YEATS4: variants seen among roughly 807,000 people sequenced by gnomAD.
YEATS4 encodes the protein YEATS domain containing 4.
In YEATS4, 17 loss-of-function variants were observed where a neutral mutation model predicts 30.1. That is an observed-to-expected ratio of 0.56 (90% CI 0.39 to 0.85). YEATS4 has a LOEUF of 0.85. Ranked by LOEUF, YEATS4 falls within the 40% of genes least tolerant of loss-of-function variation. YEATS4 has a pLI of 0.00. For missense variants in YEATS4, 142 were observed against 268.3 expected, an observed-to-expected ratio of 0.53 and a Z score of 3.29; for synonymous variants, 85 against 87.5, an observed-to-expected ratio of 0.97 and a Z score of 0.16.
the YEATS4 span, among the ~76,000 whole-genome samples, chr12:69,410,683 C>T: frequency 6.6e-6 from 1 of 152,116 alleles, no homozygotes; most frequent in Non-Finnish European, 1.5e-5. Flanking sequence ...ATAGAGACGG[C>T]CCAAGAAGAA....
chr12:69,417,015 G>A, the YEATS4 span, among the ~76,000 whole-genome samples: 3 of 151,742 alleles, frequency 2.0e-5, no homozygotes, highest in Non-Finnish European at 2.9e-5. Context: ...GGAGGTTGCA[G>A]TGAGCCAAGA....
chr12:69,382,669 C>T (rs939770791), intron 6 of YEATS4, among the ~76,000 whole-genome samples: 6 of 152,182 alleles, frequency 3.9e-5, no homozygotes, highest in African/African-American at 1.4e-4. Flanking sequence ...GAGTTGGTAC[C>T]AAAGCTTAAG....
At chr12:69,389,248 G>A (rs1027742546) in intron 6 of YEATS4, among the ~76,000 whole-genome samples, 1 of 151,878 alleles carries the variant, frequency 6.6e-6, no homozygotes, top group South Asian at 2.1e-4. Context: ...TCAGGAGTTC[G>A]CAGTCAGCCT....
chr12:69,397,850 C>A, the YEATS4 span, among the ~76,000 whole-genome samples: 2 of 152,170 alleles, frequency 1.3e-5, no homozygotes, highest in Non-Finnish European at 2.9e-5. Flanking sequence ...ACAACTTGAT[C>A]TCAGACTTAT....
chr12:69,399,691 A>G, the YEATS4 span, among the ~76,000 whole-genome samples: 1 of 152,250 alleles, frequency 6.6e-6, no homozygotes, highest in Admixed American at 6.5e-5. Flanking sequence ...GTGCATGAAT[A>G]TTTATAGGAG....
the YEATS4 span, among the ~76,000 whole-genome samples, chr12:69,425,633 A>T: frequency 6.6e-6 from 1 of 152,160 alleles, no homozygotes; most frequent in African/African-American, 2.4e-5. Context: ...GTGCCTCAGG[A>T]TGTGGCTTCC....
chr12:69,408,896 C>G, the YEATS4 span, among the ~76,000 whole-genome samples: 7 of 152,208 alleles, frequency 4.6e-5, no homozygotes, highest in Non-Finnish European at 8.8e-5. Context: ...CACAGTTACA[C>G]ATCATTAGAA....
the YEATS4 span, among the ~76,000 whole-genome samples, chr12:69,396,407 A>G: frequency 2.8e-4 from 43 of 152,238 alleles, no homozygotes; most frequent in Non-Finnish European, 5.1e-4. Flanking sequence ...CTGAACAGTC[A>G]TGGTACAGCT....
the YEATS4 span, among the ~76,000 whole-genome samples, chr12:69,407,694 CTTTTTGTCTT>C: frequency 8.9e-6 from 1 of 112,202 alleles, no homozygotes; most frequent in Non-Finnish European, 1.8e-5. Context: ...AGTACAAATA[CTTTTTGTCTT>C]TTTTTTTTTT....
chr12:69,426,777 AAATC>A, the YEATS4 span, among the ~76,000 whole-genome samples: 69 of 152,234 alleles, frequency 4.5e-4, 3 homozygotes, highest in Non-Finnish European at 8.8e-5. Context: ...ATTTTGTGAA[AAATC>A]AATCTGTTCA....
At chr12:69,418,859 G>T in the YEATS4 span, among the ~76,000 whole-genome samples, 3 of 151,860 alleles carry the variant, frequency 2.0e-5, no homozygotes, top group Non-Finnish European at 4.4e-5. Context: ...TAAGGCAGGA[G>T]GATCGCTGGA....
At chr12:69,375,891 G>A (rs567174808) in intron 6 of YEATS4, among the ~76,000 whole-genome samples, 7 of 152,144 alleles carry the variant, frequency 4.6e-5, no homozygotes, top group South Asian at 2.1e-4. Context: ...GGGAGACCGC[G>A]CAGAGAGGGA....
the YEATS4 span, among the ~76,000 whole-genome samples, chr12:69,409,491 C>T: frequency 5.9e-5 from 9 of 152,080 alleles, no homozygotes; most frequent in African/African-American, 2.2e-4. Context: ...GTGGTGCACA[C>T]TTGTAGTCCC....
the YEATS4 span, among the ~76,000 whole-genome samples, chr12:69,397,613 C>A: frequency 6.6e-6 from 1 of 152,298 alleles, no homozygotes; most frequent in African/African-American, 2.4e-5. Context: ...GTGAGGCCTC[C>A]CCAGCCATGT....
chr12:69,403,597 A>G, the YEATS4 span, among the ~76,000 whole-genome samples: 1 of 151,980 alleles, frequency 6.6e-6, no homozygotes, highest in Non-Finnish European at 1.5e-5. Flanking sequence ...AAAAAGAAAA[A>G]AAGAGGGGGC....
At chr12:69,361,585 C>G (rs1242244502) in intron 1 of YEATS4, among the ~76,000 whole-genome samples, 1 of 152,116 alleles carries the variant, frequency 6.6e-6, no homozygotes, top group Non-Finnish European at 1.5e-5. Flanking sequence ...GCCACCGTGC[C>G]TGGCCGCTTT....
downstream of YEATS4, among the ~76,000 whole-genome samples, chr12:69,391,812 A>G (rs1868318313): frequency 6.6e-6 from 1 of 152,198 alleles, no homozygotes; most frequent in Non-Finnish European, 1.5e-5. Flanking sequence ...GAAAAGCCCC[A>G]TTCTACTTGA....
chr12:69,395,516 A>G (rs1330717643), downstream of YEATS4, among the ~76,000 whole-genome samples: 1 of 152,176 alleles, frequency 6.6e-6, no homozygotes, highest in East Asian at 1.9e-4. Flanking sequence ...AAAGAAAAGT[A>G]ACTTGGAGGA....
the YEATS4 span, among the ~76,000 whole-genome samples, chr12:69,398,244 G>A: frequency 6.6e-6 from 1 of 151,964 alleles, no homozygotes; most frequent in African/African-American, 2.4e-5. Flanking sequence ...AGATTAGAAA[G>A]AAAGAAGTAA....
Sources: allele counts gnomAD v4.1 joint callset (sites outside exome capture counted in the v4.1 genomes callset), GRCh38; gene constraint gnomAD v4.1.1; transcripts MANE v1.5; gene names NCBI Gene and HGNC (gene_info 2026-07-23, HGNC 2026-07-21).